The following SDK1 variants were observed in gnomAD, a reference collection of about 807,000 sequenced individuals.
SDK1 encodes protein sidekick-1.
A neutral mutation model predicts 245.5 loss-of-function variants in SDK1; 157 were observed. The observed-to-expected ratio is 0.64, with a 90% CI of 0.56 to 0.73. The LOEUF is 0.73. Ranked by LOEUF, SDK1 falls within the 30% of genes least tolerant of loss-of-function variation. The probability of loss-of-function intolerance (pLI) is 0.00; values close to 1 mark genes in which losing one functional copy is unlikely to be tolerated. For missense variants in SDK1, 3,583 were observed against 3,002.3 expected, an observed-to-expected ratio of 1.19 and a Z score of -4.52; for synonymous variants, 1,647 against 1,278.5, an observed-to-expected ratio of 1.29 and a Z score of -6.15.
intron 14 of SDK1, among the ~76,000 whole-genome samples, chr7:4,008,129 G>A (rs937887504): frequency 6.6e-6 from 1 of 152,200 alleles, no homozygotes; most frequent in Admixed American, 6.5e-5. Flanking sequence ...TCTCATGCAA[G>A]TGGAATCATA....
chr7:3,519,600 A>G (rs771202855), intron 1 of SDK1, among the ~76,000 whole-genome samples: 1 of 152,060 alleles, frequency 6.6e-6, no homozygotes, highest in Non-Finnish European at 1.5e-5. Context: ...AGGTACTGTT[A>G]TACCAGTTTT....
chr7:3,578,290 G>T (rs780431353), intron 1 of SDK1, among the ~76,000 whole-genome samples: 1 of 151,966 alleles, frequency 6.6e-6, no homozygotes, highest in Admixed American at 6.6e-5. Flanking sequence ...GGATTAAGGG[G>T]AGGGGGTGCA....
intron 5 of SDK1, among the ~76,000 whole-genome samples, chr7:3,837,342 A>G (rs1780050301): frequency 6.6e-6 from 1 of 152,204 alleles, no homozygotes; most frequent in African/African-American, 2.4e-5. Context: ...AACATTTTCC[A>G]GCTTCTCTTA....
At chr7:4,237,504 C>A in intron 41 of SDK1, 143 bp from the exon 42 acceptor site, 2 of 895,984 alleles carry the variant, frequency 2.2e-6, no homozygotes, top group Non-Finnish European at 3.5e-6. Context: ...AAAGTCCACC[C>A]GCCCGGCTGG....
intron 38 of SDK1, among the ~76,000 whole-genome samples, chr7:4,214,769 C>A (rs1784696665): frequency 6.6e-6 from 1 of 152,224 alleles, no homozygotes; most frequent in South Asian, 2.1e-4. Context: ...AGGCGTCCAG[C>A]CCCCACCCAA....
chr7:4,189,758 G>T (rs684403), intron 35 of SDK1, among the ~76,000 whole-genome samples: 1 of 152,242 alleles, frequency 6.6e-6, no homozygotes, highest in African/African-American at 2.4e-5. Flanking sequence ...CCACTGCACT[G>T]CAGCCATGGC....
At chr7:3,881,932 C>T (rs562206289) in intron 5 of SDK1, among the ~76,000 whole-genome samples, 20 of 152,114 alleles carry the variant, frequency 1.3e-4, no homozygotes, top group Non-Finnish European at 1.8e-4. Flanking sequence ...CTATATTAGT[C>T]CATTTTCACG....
intron 38 of SDK1, 33 bp from the exon 39 acceptor site, chr7:4,220,076 C>T (rs11978573): frequency 0.22 from 345,572 of 1,600,766 alleles, 40,979 homozygotes; most frequent in Non-Finnish European, 0.24. Flanking sequence ...CCAGGCTGAA[C>T]CCCCTTGTTT....
intron 1 of SDK1, among the ~76,000 whole-genome samples, chr7:3,371,260 T>C (rs1051776659): frequency 7.0e-6 from 1 of 142,220 alleles, no homozygotes. Context: ...TTGAGGAAAC[T>C]AGGGATGTGT....
intron 1 of SDK1, among the ~76,000 whole-genome samples, chr7:3,387,834 T>C (rs1781647550): frequency 6.6e-6 from 1 of 152,212 alleles, no homozygotes; most frequent in Non-Finnish European, 1.5e-5. Context: ...ATTTTGAACA[T>C]TGTACACGTT....
At chr7:4,020,848 C>T (rs1203679030) in intron 17 of SDK1, among the ~76,000 whole-genome samples, 3 of 152,176 alleles carry the variant, frequency 2.0e-5, no homozygotes, top group Non-Finnish European at 4.4e-5. Context: ...TTACACCTGT[C>T]CTGACTCAAA....
At chr7:4,165,049 T>A (rs1358049640) in intron 32 of SDK1, among the ~76,000 whole-genome samples, 1 of 152,202 alleles carries the variant, frequency 6.6e-6, no homozygotes, top group Non-Finnish European at 1.5e-5. Context: ...CCTTTTGTGT[T>A]TTTTGTTTTG....
chr7:4,023,707 G>A (rs929323464), intron 17 of SDK1, among the ~76,000 whole-genome samples: 8 of 152,120 alleles, frequency 5.3e-5, no homozygotes, highest in Non-Finnish European at 1.5e-5. Context: ...GGGAGGGAGA[G>A]TACTATAGTC....
chr7:3,547,918 C>G lies in SDK1; in HGVS notation c.299-71162C>G, dbSNP rs1297618648. Among the ~76,000 whole-genome samples the G allele has an allele frequency of 2.6e-5, 4 of 152,204 alleles. No individual in the cohort carries two copies. The East Asian group carries it at 5.8e-4, about 22-fold the overall frequency. On this transcript the variant is annotated intron_variant, in intron 1 of 44. Coordinates refer to ENST00000404826, the MANE Select transcript of SDK1 (RefSeq NM_152744.4). ...CTGACCATGCTGTATGTTCCAGTAC[C>G]TTCTTTGTTGAAGAACGTATTGGAA...
At chr7:3,598,996 A>G (rs376072335) in intron 1 of SDK1, among the ~76,000 whole-genome samples, 2 of 148,860 alleles carry the variant, frequency 1.3e-5, no homozygotes, top group African/African-American at 2.4e-5. Context: ...GTTGCATGGT[A>G]GTTGCATGCT....
intron 20 of SDK1, among the ~76,000 whole-genome samples, chr7:4,075,822 T>A (rs1188267226): frequency 1.3e-5 from 2 of 152,108 alleles, no homozygotes; most frequent in Non-Finnish European, 2.9e-5. Flanking sequence ...GCATGGCTAA[T>A]TTTTATATTT....
intron 4 of SDK1, among the ~76,000 whole-genome samples, chr7:3,722,660 C>T (rs1261227205): frequency 6.6e-6 from 1 of 152,182 alleles, no homozygotes; most frequent in East Asian, 1.9e-4. Context: ...TATTTAGCAG[C>T]ATCCTGTAGC....
rs1054545892 is a variant in SDK1 at position 4,026,437 on chromosome 7, C to T, written c.2602+9085C>T. Among the ~76,000 whole-genome samples the T allele has an allele frequency of 6.6e-6, 1 of 152,226 alleles. No individual in the cohort carries two copies. Among genetic ancestry groups the T allele is most frequent in the Admixed American group, 6.5e-5 (1 of 15,282 alleles). On this transcript the variant is annotated intron_variant, in intron 17 of 44. Coordinates refer to ENST00000404826, the MANE Select transcript of SDK1 (RefSeq NM_152744.4). This position sits in a 1 kb window ranked among gnomAD's most constrained non-coding sequence, Gnocchi z 4.1. ...ATAACATCTTGTTCCTAACTGACTTCAGAGTCAGACGACTGGCTTCACGAG... is the reference window on the plus strand; with the variant it reads ...ATAACATCTTGTTCCTAACTGACTTTAGAGTCAGACGACTGGCTTCACGAG...
chr7:3,345,406 A>G (rs1780465696), intron 1 of SDK1, among the ~76,000 whole-genome samples: 1 of 152,226 alleles, frequency 6.6e-6, no homozygotes, highest in African/African-American at 2.4e-5. Context: ...AGCTGTCATT[A>G]AGAGATGAGA....
Sources: gnomAD v4.1 joint callset for allele counts (sites outside exome capture counted in the v4.1 genomes callset) on GRCh38, gnomAD v4.1.1 for gene constraint, Gnocchi (gnomAD v3.1) non-coding constraint, MANE v1.5 for transcripts, NCBI Gene and HGNC (gene_info 2026-07-23, HGNC 2026-07-21) for gene names.